WHR1: variants seen among roughly 807,000 people sequenced by gnomAD.
WHR1 encodes winged helix repair factor 1.
chr6:31,975,911 G>A, the WHR1 span, among the ~76,000 whole-genome samples: 1 of 148,422 alleles, frequency 6.7e-6, no homozygotes, highest in Non-Finnish European at 1.5e-5. Flanking sequence ...GCGGGGGGCT[G>A]ACCCCCCCAC....
At chr6:31,973,625 G>A in the WHR1 span, among the ~76,000 whole-genome samples, 1 of 152,156 alleles carries the variant, frequency 6.6e-6, no homozygotes, top group Non-Finnish European at 1.5e-5. Context: ...AGTTAGGGGG[G>A]AAATATTTTA....
chr6:31,980,419 C>T, the WHR1 span: 2 of 1,580,448 alleles, frequency 1.3e-6, no homozygotes, highest in Middle Eastern at 1.8e-4. Context: ...AGAGCCCAGC[C>T]CTCATCTCTG....
the WHR1 span, among the ~76,000 whole-genome samples, chr6:31,976,174 G>A: frequency 2.7e-5 from 4 of 149,592 alleles, no homozygotes; most frequent in African/African-American, 7.4e-5. Flanking sequence ...GCGGCTGGCC[G>A]GGCAGAGGGG....
At chr6:31,972,278 T>G in the WHR1 span, 3 of 1,612,952 alleles carry the variant, frequency 1.9e-6, no homozygotes, top group Non-Finnish European at 1.7e-6. The surrounding 1 kb of genome is among the most constrained non-coding windows in gnomAD (Gnocchi z 6.3). Context: ...AAGTTGACGC[T>G]CCTTTCGTCA....
chr6:31,980,789 A>G, the WHR1 span: 17 of 1,570,390 alleles, frequency 1.1e-5, 1 homozygote, highest in South Asian at 1.6e-4. Context: ...ATTGGGGCCC[A>G]GCTAGTGGAC....
the WHR1 span, chr6:31,979,525 A>G: frequency 6.2e-7 from 1 of 1,612,906 alleles, no homozygotes; most frequent in East Asian, 2.2e-5. Flanking sequence ...AATGACACAG[A>G]CCTTTGGCTT....
At chr6:31,972,553 G>A in the WHR1 span, 4 of 1,595,782 alleles carry the variant, frequency 2.5e-6, no homozygotes, top group South Asian at 1.1e-5. This position sits in a 1 kb window ranked among gnomAD's most constrained non-coding sequence, Gnocchi z 6.3. Flanking sequence ...GCTTCCGGTA[G>A]CCGAGAGTTT....
chr6:31,974,477 G>T, the WHR1 span, among the ~76,000 whole-genome samples: 24 of 152,096 alleles, frequency 1.6e-4, no homozygotes, highest in Admixed American at 1.6e-3. Context: ...CACCACTTTG[G>T]GAGACTGAGG....
the WHR1 span, chr6:31,979,845 G>A: frequency 3.1e-6 from 1 of 319,508 alleles, no homozygotes; most frequent in Non-Finnish European, 5.8e-6. Flanking sequence ...AATCATACTG[G>A]GACTAAGAGG....
the WHR1 span, chr6:31,980,833 G>A: frequency 3.4e-6 from 5 of 1,479,308 alleles, no homozygotes; most frequent in Non-Finnish European, 4.5e-6. Flanking sequence ...GGCAGATTAT[G>A]GAGCAATGAC....
At chr6:31,973,777 T>C in the WHR1 span, among the ~76,000 whole-genome samples, 1 of 152,140 alleles carries the variant, frequency 6.6e-6, no homozygotes, top group Non-Finnish European at 1.5e-5. Context: ...GTGTCAAAAT[T>C]ACGTGGGCTG....
At chr6:31,973,042 C>T in the WHR1 span, 1 of 674,314 alleles carries the variant, frequency 1.5e-6, no homozygotes, top group African/African-American at 1.8e-5. Context: ...CATGACAGGC[C>T]TTGTACATCA....
At chr6:31,972,161 T>G in the WHR1 span, 1 of 1,612,540 alleles carries the variant, frequency 6.2e-7, no homozygotes, top group Non-Finnish European at 8.5e-7. This position sits in a 1 kb window ranked among gnomAD's most constrained non-coding sequence, Gnocchi z 6.3. Flanking sequence ...GTGCGTGCCC[T>G]TGGAGGGAGC....
chr6:31,972,116 C>T, the WHR1 span: 2 of 1,612,938 alleles, frequency 1.2e-6, no homozygotes, highest in Admixed American at 3.3e-5. The surrounding 1 kb of genome is among the most constrained non-coding windows in gnomAD (Gnocchi z 6.3). Flanking sequence ...ACGTGGCCAC[C>T]GGCGCCCCTC....
At chr6:31,979,196 G>C in the WHR1 span, among the ~76,000 whole-genome samples, 2 of 131,378 alleles carry the variant, frequency 1.5e-5, no homozygotes, top group African/African-American at 5.6e-5. Context: ...AGGGTAAAGA[G>C]GGGGGGAGAG....
chr6:31,976,968 G>A, the WHR1 span, among the ~76,000 whole-genome samples: 2 of 152,344 alleles, frequency 1.3e-5, no homozygotes, highest in South Asian at 4.1e-4. Context: ...CAGGCAGGGA[G>A]GTTGCAGTGA....
chr6:31,979,226 G>C, the WHR1 span, among the ~76,000 whole-genome samples: 1 of 109,730 alleles, frequency 9.1e-6, no homozygotes. Context: ...GAGGAGGAAG[G>C]AAGGAGGGGG....
chr6:31,977,328 C>T, the WHR1 span, among the ~76,000 whole-genome samples: 5 of 149,860 alleles, frequency 3.3e-5, no homozygotes, highest in African/African-American at 9.9e-5. Context: ...CCTGACACCA[C>T]GCCCAGCTAA....
At chr6:31,976,417 G>A in the WHR1 span, among the ~76,000 whole-genome samples, 2 of 151,878 alleles carry the variant, frequency 1.3e-5, no homozygotes, top group Admixed American at 6.5e-5. Context: ...GGTCGCGGCC[G>A]GGCAGAGGCG....
Sources: gnomAD v4.1 joint callset for allele counts (sites outside exome capture counted in the v4.1 genomes callset) on GRCh38, gnomAD v4.1.1 for gene constraint, Gnocchi (gnomAD v3.1) non-coding constraint, MANE v1.5 for transcripts, NCBI Gene and HGNC (gene_info 2026-07-23, HGNC 2026-07-21) for gene names.